Variants in THRAP3 observed in about 807,000 individuals in gnomAD.
THRAP3 encodes thyroid hormone receptor associated protein 3, also known as thyroid hormone receptor-associated protein 3.
In THRAP3, 16 loss-of-function variants were observed where a neutral mutation model predicts 101.0. That is an observed-to-expected ratio of 0.16 (90% CI 0.11 to 0.24). The LOEUF (loss-of-function observed/expected upper bound fraction) is 0.24, where lower values mean the gene tolerates loss of function less well. Among genes scored for constraint, THRAP3 ranks in the 10% least tolerant of loss-of-function variants. THRAP3 has a pLI of 1.00. For missense variants in THRAP3, 989 were observed against 1,202.7 expected, an observed-to-expected ratio of 0.82 and a Z score of 2.63; for synonymous variants, 407 against 422.6, an observed-to-expected ratio of 0.96 and a Z score of 0.45.
chr1:36,228,034 C>T (rs951172316), intron 1 of THRAP3, among the ~76,000 whole-genome samples: 3 of 146,408 alleles, frequency 2.0e-5, no homozygotes, highest in Non-Finnish European at 4.5e-5. Context: ...CGCCACCACA[C>T]GTGGCCTCTT....
At chr1:36,246,053 G>T (rs1645227438) in intron 1 of THRAP3, among the ~76,000 whole-genome samples, 1 of 152,084 alleles carries the variant, frequency 6.6e-6, no homozygotes, top group Non-Finnish European at 1.5e-5. Flanking sequence ...TGTAAGTGAG[G>T]CAAGGAAAGA....
chr1:36,218,906 G>A, the THRAP3 span, among the ~76,000 whole-genome samples: 4 of 151,498 alleles, frequency 2.6e-5, no homozygotes, highest in South Asian at 2.1e-4. Context: ...AGTGGCGGGC[G>A]CCTGCAATCC....
intron 2 of THRAP3, among the ~76,000 whole-genome samples, chr1:36,276,849 T>TCC (rs1464711788): frequency 6.6e-6 from 1 of 151,664 alleles, no homozygotes; most frequent in African/African-American, 2.4e-5. Context: ...AGAGGGAGAC[T>TCC]CCATCTCAAA....
chr1:36,221,191 A>G (rs1203177095), upstream of THRAP3, among the ~76,000 whole-genome samples: 1 of 147,690 alleles, frequency 6.8e-6, no homozygotes, highest in East Asian at 2.0e-4. Flanking sequence ...TATCTCAAAA[A>G]AAAAAAAAAA....
intron 3 of THRAP3, among the ~76,000 whole-genome samples, chr1:36,283,420 C>A (rs956485533): frequency 6.6e-6 from 1 of 152,114 alleles, no homozygotes; most frequent in Non-Finnish European, 1.5e-5. Flanking sequence ...ATTTTTCATT[C>A]TTTAAAAGTG....
intron 1 of THRAP3, among the ~76,000 whole-genome samples, chr1:36,237,742 G>T (rs1279901665): frequency 1.3e-5 from 2 of 152,134 alleles, no homozygotes; most frequent in Non-Finnish European, 2.9e-5. Context: ...CTGCACTTCA[G>T]CCTGGGTGAC....
chr1:36,269,188 G>A (rs1198789101), intron 2 of THRAP3, among the ~76,000 whole-genome samples: 4 of 152,036 alleles, frequency 2.6e-5, no homozygotes, highest in African/African-American at 9.7e-5. Context: ...GAGTGTTTTT[G>A]CTGATTTTTG....
At chr1:36,259,800 C>A (rs1383105689) in intron 2 of THRAP3, among the ~76,000 whole-genome samples, 2 of 150,912 alleles carry the variant, frequency 1.3e-5, no homozygotes, top group Non-Finnish European at 3.0e-5. Context: ...AATTGATTAT[C>A]CAGATGATTC....
At chr1:36,282,162 G>C (rs1645740027) in intron 2 of THRAP3, among the ~76,000 whole-genome samples, 1 of 151,870 alleles carries the variant, frequency 6.6e-6, no homozygotes, top group Non-Finnish European at 1.5e-5. Flanking sequence ...GACTTAAGCA[G>C]TCCTCCTCCT....
intron 1 of THRAP3, among the ~76,000 whole-genome samples, chr1:36,232,120 G>A (rs1308748710): frequency 6.6e-6 from 1 of 152,180 alleles, no homozygotes; most frequent in Non-Finnish European, 1.5e-5. Flanking sequence ...GGAGGCTGAG[G>A]CAGGAGAATT....
chr1:36,282,786 T>C (rs963955274), intron 3 of THRAP3, 86 bp downstream of exon 3: 1 of 1,509,510 alleles, frequency 6.6e-7, no homozygotes, highest in African/African-American at 1.4e-5. Flanking sequence ...ACTTTTCCTG[T>C]GAGTGTCAAA....
Position 36,304,767 on chromosome 1 carries a change from C to T in THRAP3, c.*750C>T, listed in dbSNP as rs953920299. 5.6e-5 allele frequency: 12 copies of T among 213,522 alleles called. No individual in the cohort carries two copies. The highest frequency in any genetic ancestry group is 2.5e-4 in the African/African-American group (11 of 44,192). The allele number at this position is 213,522 out of a possible 1,614,324, so 13.2% of individuals were successfully genotyped here. On this transcript the variant is annotated 3_prime_UTR_variant, in exon 12 of 12. Coordinates refer to ENST00000354618, the MANE Select transcript of THRAP3 (RefSeq NM_005119.4). ...TGGGCTGGACTTCCCCGTTCTCCAC[C>T]AGCAGCTCCAGTATCCCAAACTTTC...
At position 36,282,517 on chromosome 1, in the gene THRAP3, C is replaced by T. The variant is rs1390156926; in HGVS notation, c.-31-16C>T. On this transcript the variant is annotated splice_polypyrimidine_tract_variant and intron_variant, in intron 2 of 11. Transcript: ENST00000354618. ...AGGAACTCACTCATTTGTTCTAATG[C>T]ATTTTCTTACATTAGGTGTAATTGA... 6.3e-7 allele frequency: 1 copy of T among 1,578,292 alleles called. No homozygotes were observed. Among genetic ancestry groups the T allele is most frequent in the Admixed American group, 1.7e-5 (1 of 58,994 alleles).
At chr1:36,242,776 A>G (rs1237709101) in intron 1 of THRAP3, among the ~76,000 whole-genome samples, 1 of 152,168 alleles carries the variant, frequency 6.6e-6, no homozygotes, top group African/African-American at 2.4e-5. Flanking sequence ...TAAGGCATAT[A>G]GATAGATTTG....
intron 1 of THRAP3, among the ~76,000 whole-genome samples, chr1:36,236,895 T>C (rs555366894): frequency 1.3e-5 from 2 of 152,192 alleles, no homozygotes; most frequent in South Asian, 4.2e-4. Context: ...TTAAAAACAA[T>C]GCTGGGTGTG....
At chr1:36,301,331 T>A (rs765223943) in intron 10 of THRAP3, among the ~76,000 whole-genome samples, 1 of 152,244 alleles carries the variant, frequency 6.6e-6, no homozygotes, top group Non-Finnish European at 1.5e-5. Flanking sequence ...TAACCTTGAC[T>A]ACTGCTGTTT....
intron 2 of THRAP3, among the ~76,000 whole-genome samples, chr1:36,261,112 C>G (rs781220186): frequency 2.6e-5 from 4 of 152,056 alleles, no homozygotes; most frequent in Non-Finnish European, 5.9e-5. Context: ...TAAATTTTAT[C>G]TTGGGCTAAG....
intron 2 of THRAP3, among the ~76,000 whole-genome samples, chr1:36,269,984 T>TAC (rs1214422504): frequency 6.6e-6 from 1 of 152,204 alleles, no homozygotes; most frequent in Non-Finnish European, 1.5e-5. Flanking sequence ...TGACCAAGAA[T>TAC]ACAGTCTGCC....
chr1:36,266,235 C>CT (rs1645513240), intron 2 of THRAP3, among the ~76,000 whole-genome samples: 1 of 151,510 alleles, frequency 6.6e-6, no homozygotes, highest in African/African-American at 2.4e-5. Context: ...GGGAGGATTG[C>CT]TTGAGCCCAA....
Sources: allele counts gnomAD v4.1 joint callset (sites outside exome capture counted in the v4.1 genomes callset), GRCh38; gene constraint gnomAD v4.1.1; transcripts MANE v1.5; gene names NCBI Gene and HGNC (gene_info 2026-07-23, HGNC 2026-07-21).